The following ACCSL variants were observed in gnomAD, a reference collection of about 807,000 sequenced individuals.
The protein encoded by ACCSL is probable inactive 1-aminocyclopropane-1-carboxylate synthase-like protein 2.
Under a neutral mutation model 61.7 loss-of-function variants are expected in ACCSL, and 55 were observed. That is an observed-to-expected ratio of 0.89 (90% confidence interval 0.72 to 1.12). ACCSL has a LOEUF of 1.12. ACCSL is among the 50% of genes most tolerant of loss of function. The pLI is 0.00. For synonymous variants in ACCSL, 258 were observed against 264.3 expected (o/e 0.98, Z 0.23); for missense variants, 632 against 698.0 (o/e 0.91, Z 1.07).
At chr11:44,022,638 T>C in the ACCSL span, among the ~76,000 whole-genome samples, 1 of 152,166 alleles carries the variant, frequency 6.6e-6, no homozygotes, top group Non-Finnish European at 1.5e-5. Flanking sequence ...CTGGCTTACA[T>C]TGATTGATTT....
In ACCSL at chr11:44,056,229, C is replaced by A; in HGVS notation, c.1230C>A (p.His410Gln). ...TCCGCTTTGGTGCTCTGTATACCCA[C>A]AACAAGGAGGTGGCCTCTGCTGTGA... ...SGFRFGALYT[H>Q]NKEVASAVSA... Residue 410 changes from histidine (H) to glutamine (Q), a missense_variant, in exon 11 of 14, where the codon CAC becomes CAA. Transcript: ENST00000378832. 1 of 1,614,142 alleles carries A rather than the reference C, an allele frequency of 6.2e-7. No homozygotes were observed. Among genetic ancestry groups the A allele is most frequent in the Non-Finnish European group, 8.5e-7 (1 of 1,179,982 alleles).
chr11:43,973,487 T>TG, the ACCSL span, among the ~76,000 whole-genome samples: 2 of 152,104 alleles, frequency 1.3e-5, no homozygotes, highest in Admixed American at 1.3e-4. Flanking sequence ...CCTTAGTACA[T>TG]GTAATAATAG....
the ACCSL span, among the ~76,000 whole-genome samples, chr11:44,027,093 T>C: frequency 3.3e-5 from 5 of 152,196 alleles, no homozygotes; most frequent in African/African-American, 1.2e-4. Context: ...GTTAGCTTAC[T>C]GGTCTTTTAA....
the ACCSL span, among the ~76,000 whole-genome samples, chr11:44,037,546 G>C: frequency 6.6e-6 from 1 of 152,216 alleles, no homozygotes; most frequent in South Asian, 2.1e-4. Flanking sequence ...AGAAAATAAG[G>C]GTTTAGCGAC....
the ACCSL span, among the ~76,000 whole-genome samples, chr11:43,923,371 A>AT: frequency 1.3e-5 from 2 of 151,924 alleles, no homozygotes; most frequent in Non-Finnish European, 1.5e-5. Context: ...AGTCTTGATT[A>AT]TTTTTTTTAA....
chr11:44,015,450 G>C, the ACCSL span, among the ~76,000 whole-genome samples: 9 of 152,294 alleles, frequency 5.9e-5, no homozygotes, highest in Middle Eastern at 3.4e-3. Flanking sequence ...GTCTACCAGA[G>C]AGAAGAAATA....
At chr11:44,014,482 C>G in the ACCSL span, among the ~76,000 whole-genome samples, 1 of 51,330 alleles carries the variant, frequency 1.9e-5, no homozygotes, top group Non-Finnish European at 4.0e-5. Flanking sequence ...AGAGAGATAG[C>G]CAGAGAGAGA....
At chr11:44,041,631 T>C in the ACCSL span, among the ~76,000 whole-genome samples, 14 of 152,046 alleles carry the variant, frequency 9.2e-5, no homozygotes, top group Non-Finnish European at 8.8e-5. Flanking sequence ...TTTAATTCTC[T>C]TGTGTTTTCC....
chr11:43,942,069 T>C, the ACCSL span, among the ~76,000 whole-genome samples: 302 of 139,208 alleles, frequency 2.2e-3, no homozygotes, highest in African/African-American at 7.7e-3. Context: ...TGTGTGTGTG[T>C]GTGTGTGCGC....
chr11:43,975,289 C>A, the ACCSL span, among the ~76,000 whole-genome samples: 7,404 of 152,168 alleles, frequency 0.049, 504 homozygotes, highest in Admixed American at 0.19. Context: ...TAATTCTAAG[C>A]CTCTCCGGAT....
the ACCSL span, among the ~76,000 whole-genome samples, chr11:43,954,787 G>A: frequency 6.6e-6 from 1 of 152,004 alleles, no homozygotes; most frequent in African/African-American, 2.4e-5. Flanking sequence ...GTTTCTCCAC[G>A]TTGGTCAGGC....
the ACCSL span, among the ~76,000 whole-genome samples, chr11:44,028,021 A>T: frequency 6.6e-6 from 1 of 152,150 alleles, no homozygotes; most frequent in African/African-American, 2.4e-5. Flanking sequence ...CAAAAAAATT[A>T]TCTGGGCATG....
chr11:43,978,796 T>TTG, the ACCSL span, among the ~76,000 whole-genome samples: 9 of 145,938 alleles, frequency 6.2e-5, no homozygotes, highest in African/African-American at 2.3e-4. Flanking sequence ...TTTTTTTTTT[T>TTG]TTTTTTTTTT....
the ACCSL span, among the ~76,000 whole-genome samples, chr11:44,015,609 C>T: frequency 1.3e-5 from 2 of 152,310 alleles, no homozygotes; most frequent in African/African-American, 4.8e-5. Context: ...AAGAGCCAGA[C>T]TAGTGGTGTT....
At chr11:43,973,434 C>G in the ACCSL span, among the ~76,000 whole-genome samples, 54 of 151,776 alleles carry the variant, frequency 3.6e-4, no homozygotes, top group African/African-American at 1.1e-3. Flanking sequence ...ATCTATCTAT[C>G]TATCTATCTA....
the ACCSL span, among the ~76,000 whole-genome samples, chr11:43,955,632 G>T: frequency 6.6e-6 from 1 of 152,082 alleles, no homozygotes; most frequent in Admixed American, 6.6e-5. Context: ...AGTGGGTCTG[G>T]GTGAAGGTGA....
chr11:43,943,933 ACT>A, the ACCSL span: 3 of 1,098,032 alleles, frequency 2.7e-6, no homozygotes, highest in African/African-American at 5.0e-5. This position sits in a 1 kb window ranked among gnomAD's most constrained non-coding sequence, Gnocchi z 4.8. Flanking sequence ...GGCTCCCAAG[ACT>A]CGGGGAGGTG....
upstream of ACCSL, among the ~76,000 whole-genome samples, chr11:44,047,488 C>A (rs1341275191): frequency 6.6e-6 from 1 of 152,164 alleles, no homozygotes; most frequent in Non-Finnish European, 1.5e-5. Flanking sequence ...TTAAACTCTG[C>A]CATTGTAACA....
chr11:43,980,632 C>T, the ACCSL span, among the ~76,000 whole-genome samples: 1 of 152,060 alleles, frequency 6.6e-6, no homozygotes, highest in African/African-American at 2.4e-5. Context: ...TAATAATTTC[C>T]AAGAGTTCTT....
Sources: gnomAD v4.1 joint callset for allele counts (sites outside exome capture counted in the v4.1 genomes callset) on GRCh38, gnomAD v4.1.1 for gene constraint, Gnocchi (gnomAD v3.1) non-coding constraint, MANE v1.5 for transcripts, NCBI Gene and HGNC (gene_info 2026-07-23, HGNC 2026-07-21) for gene names.